Variants in TBCD observed in about 807,000 individuals in gnomAD.
TBCD encodes tubulin folding cofactor D.
In TBCD, 105 loss-of-function variants were observed where a neutral mutation model predicts 169.3. The ratio of observed to expected loss-of-function variants is 0.62; its 90% CI spans 0.53 to 0.73. The LOEUF is 0.73. Among genes scored for constraint, TBCD ranks in the 30% least tolerant of loss-of-function variants. The probability of loss-of-function intolerance (pLI) is 0.00; values close to 1 mark genes in which losing one functional copy is unlikely to be tolerated. For synonymous variants in TBCD, 700 were observed against 643.9 expected (o/e 1.09, Z -1.32); for missense variants, 1,444 against 1,600.1 (o/e 0.90, Z 1.66).
rs139550023 is a variant in TBCD at position 82,752,391 on chromosome 17, G to A, written c.184+14G>A. The A allele has an allele frequency of 3.3e-3, 4,002 of 1,227,028 alleles. 119 individuals carry two copies. The African/African-American group carries it at 0.056, about 17-fold the overall frequency. The allele number at this position is 1,227,028 out of a possible 1,614,324, so 76.0% of individuals were successfully genotyped here. Reference sequence around the variant, plus strand: ...AGCGGTTCCGCGGTGCGTGGGCGGCGCCGCGTGCCCGCTTCCTCCCCCGGC... The same window carrying A: ...AGCGGTTCCGCGGTGCGTGGGCGGCACCGCGTGCCCGCTTCCTCCCCCGGC... On this transcript the variant is annotated intron_variant, in intron 1 of 38. Transcript: ENST00000355528.
chr17:82,771,739 C>G (rs1050070475), intron 5 of TBCD, among the ~76,000 whole-genome samples: 1 of 152,126 alleles, frequency 6.6e-6, no homozygotes, highest in African/African-American at 2.4e-5. Flanking sequence ...TTTGCTCACA[C>G]CACTGTACTC....
intron 23 of TBCD, among the ~76,000 whole-genome samples, chr17:82,917,045 G>A (rs1211440759): frequency 1.3e-5 from 1 of 75,244 alleles, no homozygotes; most frequent in Non-Finnish European, 2.7e-5. Context: ...TTTTGAGTTG[G>A]AGTCTTGCTC....
chr17:82,931,482 G>A (rs1159436702), intron 33 of TBCD, among the ~76,000 whole-genome samples: 3 of 152,074 alleles, frequency 2.0e-5, no homozygotes, highest in Non-Finnish European at 2.9e-5. Context: ...GCCGCGTGCC[G>A]GTCGCTCATT....
In TBCD at chr17:82,922,394, C is replaced by A. The variant is rs1443965345; in HGVS notation, c.2178+817C>A. ...AAAACAAAAACAAAAACAAAAAAAA[C>A]CATGGTTACCAACGTTGACTAGGTT... On this transcript the variant is annotated intron_variant, in intron 25 of 38. Transcript: ENST00000355528. The surrounding 1 kb of genome is among the most constrained non-coding windows in gnomAD (Gnocchi z 4.1). 6.6e-6 allele frequency among the ~76,000 whole-genome samples: 1 copy of A among 151,558 alleles called. No individual in the cohort carries two copies. The highest frequency in any genetic ancestry group is 6.6e-5 in the Admixed American group (1 of 15,210).
At chr17:82,761,487 C>A (rs2047751672) in intron 2 of TBCD, among the ~76,000 whole-genome samples, 1 of 152,138 alleles carries the variant, frequency 6.6e-6, no homozygotes, top group South Asian at 2.1e-4. Context: ...ACATTTCTGT[C>A]ATCCCAAGGA....
intron 13 of TBCD, 129 bp downstream of exon 13, chr17:82,815,063 GT>G (rs2051760351): frequency 1.4e-6 from 2 of 1,432,782 alleles, no homozygotes; most frequent in Admixed American, 4.6e-5. Context: ...TCACCAGGCT[GT>G]CCGTGGCAGG....
Position 82,929,491 on chromosome 17 carries a change from G to C in TBCD, c.2982G>C (p.Thr994=). The change falls in exon 32 of 39, where the codon ACG becomes ACC. Residue 994 remains threonine, a synonymous_variant. Coordinates refer to ENST00000355528, the MANE Select transcript of TBCD (RefSeq NM_005993.5). ...LGLVVSLGGL[T]ESTIRHSTQS... is the part of the protein sequence containing the mutation. Reference sequence around the variant, plus strand: ...TAGTCGTGTCCCTGGGCGGCTTGACGGAGTCGACGGTGAGGAGGCGTCGGG... The same window carrying C: ...TAGTCGTGTCCCTGGGCGGCTTGACCGAGTCGACGGTGAGGAGGCGTCGGG... The C allele has an allele frequency of 6.2e-7, 1 of 1,606,454 alleles. No individual in the cohort carries two copies. The highest frequency in any genetic ancestry group is 8.5e-7 in the Non-Finnish European group (1 of 1,179,842).
At chr17:82,817,916 C>T (rs1050368993) in intron 13 of TBCD, among the ~76,000 whole-genome samples, 2 of 152,192 alleles carry the variant, frequency 1.3e-5, no homozygotes, top group Non-Finnish European at 1.5e-5. Context: ...GTAAGTGACT[C>T]GTAATGTTTA....
intron 3 of TBCD, among the ~76,000 whole-genome samples, chr17:82,764,265 G>A (rs2047913728): frequency 6.6e-6 from 1 of 152,216 alleles, no homozygotes; most frequent in African/African-American, 2.4e-5. Flanking sequence ...AGGATATTCA[G>A]CATCTTGCAT....
At position 82,942,783 on chromosome 17, in the gene TBCD, A is replaced by G; in HGVS notation, c.*320A>G. The G allele has an allele frequency of 2.2e-6, 1 of 461,842 alleles. No individual in the cohort carries two copies. The highest frequency in any genetic ancestry group is 3.9e-6 in the Non-Finnish European group (1 of 259,366). The allele number at this position is 461,842 out of a possible 1,614,324, so 28.6% of individuals were successfully genotyped here. ...ACTGCCCAGGGGTCAGCCAGAGGGG[A>G]GGTGGGCTGCACTCCTCCTGCCTGG... On this transcript the variant is annotated 3_prime_UTR_variant, in exon 39 of 39. Transcript: ENST00000355528.
Position 82,832,434 on chromosome 17 carries a change from C to T in TBCD, c.1318+17500C>T, listed in dbSNP as rs1598791446. 6.2e-7 allele frequency: 1 copy of T among 1,612,772 alleles called. No homozygotes were observed. The highest frequency in any genetic ancestry group is 8.5e-7 in the Non-Finnish European group (1 of 1,180,026). On this transcript the variant is annotated intron_variant, in intron 13 of 38. Coordinates refer to ENST00000355528, the MANE Select transcript of TBCD (RefSeq NM_005993.5). The surrounding 1 kb of genome is among the most constrained non-coding windows in gnomAD (Gnocchi z 4.9). ...GGATGTAATGTGGCTTTTTTGGCTT[C>T]CGCTCTTTGAGGAGACTCATTTTCC...
At chr17:82,836,503 G>A (rs1465528076) in intron 13 of TBCD, among the ~76,000 whole-genome samples, 1 of 152,228 alleles carries the variant, frequency 6.6e-6, no homozygotes, top group African/African-American at 2.4e-5. Flanking sequence ...AGGAGCAGAT[G>A]ATTCCCTCAG....
chr17:82,925,139 C>T (rs1022856796), intron 27 of TBCD, 82 bp downstream of exon 27: 4 of 1,114,778 alleles, frequency 3.6e-6, no homozygotes, highest in African/African-American at 1.6e-5. Flanking sequence ...GTAGGCCCAG[C>T]CGTTAATAAA....
intron 13 of TBCD, among the ~76,000 whole-genome samples, chr17:82,825,569 C>A (rs2052770527): frequency 6.6e-6 from 1 of 152,062 alleles, no homozygotes; most frequent in African/African-American, 2.4e-5. Context: ...CCTGACAGGG[C>A]TGGGGGACCT....
At chr17:82,873,122 A>T (rs1011573797) in intron 14 of TBCD, among the ~76,000 whole-genome samples, 1 of 152,250 alleles carries the variant, frequency 6.6e-6, no homozygotes, top group African/African-American at 2.4e-5. Flanking sequence ...CTGAATGCAG[A>T]CGTGTGACGG....
At chr17:82,794,091 T>C (rs1253097745) in intron 7 of TBCD, among the ~76,000 whole-genome samples, 2 of 152,166 alleles carry the variant, frequency 1.3e-5, no homozygotes, top group African/African-American at 4.8e-5. Context: ...TGGTGTGGTG[T>C]GGGGGCCCTT....
intron 6 of TBCD, among the ~76,000 whole-genome samples, chr17:82,773,563 C>T (rs776483824): frequency 1.3e-5 from 2 of 152,078 alleles, no homozygotes; most frequent in East Asian, 1.9e-4. Flanking sequence ...TACCGGGTGG[C>T]GCCAACTCTG....
chr17:82,806,666 C>T lies in TBCD; in HGVS notation c.1087+655C>T, dbSNP rs1024967196. On this transcript the variant is annotated intron_variant, in intron 10 of 38. Transcript: ENST00000355528. This position sits in a 1 kb window ranked among gnomAD's most constrained non-coding sequence, Gnocchi z 5.1. ...GCTTCCTGATGGGCAGGCGGGGCCA[C>T]GCTGCCTGTGCTGTGCTGCACTCTG... 1.2e-4 allele frequency among the ~76,000 whole-genome samples: 19 copies of T among 152,088 alleles called. No individual in the cohort carries two copies. Among genetic ancestry groups the T allele is most frequent in the Admixed American group, 9.8e-4 (15 of 15,270 alleles).
At chr17:82,795,049 C>A (rs892619627) in intron 7 of TBCD, among the ~76,000 whole-genome samples, 1 of 152,184 alleles carries the variant, frequency 6.6e-6, no homozygotes, top group African/African-American at 2.4e-5. Flanking sequence ...AGGCCAGTTA[C>A]AAGAGATGAT....
Sources: gnomAD v4.1 joint callset for allele counts (sites outside exome capture counted in the v4.1 genomes callset) on GRCh38, gnomAD v4.1.1 for gene constraint, Gnocchi (gnomAD v3.1) non-coding constraint, MANE v1.5 for transcripts, NCBI Gene and HGNC (gene_info 2026-07-23, HGNC 2026-07-21) for gene names.